C6: variants seen among roughly 807,000 people sequenced by gnomAD.
The protein encoded by C6 is complement component C6.
A neutral mutation model predicts 112.9 loss-of-function variants in C6; 101 were observed. That is an observed-to-expected ratio of 0.89 (90% CI 0.76 to 1.06). C6 has a LOEUF of 1.06. Ranked by LOEUF, C6 falls within the 50% of genes least tolerant of loss-of-function variation. The pLI, the probability that C6 is intolerant of heterozygous loss-of-function variation, is 0.00. For synonymous variants in C6, 431 were observed against 384.1 expected, an observed-to-expected ratio of 1.12 and a Z score of -1.43; for missense variants, 1,202 against 1,104.6, an observed-to-expected ratio of 1.09 and a Z score of -1.25.
At chr5:41,261,286 C>G in exon 1 of C6, 1 of 732,952 alleles carries the variant, frequency 1.4e-6, no homozygotes, top group Non-Finnish European at 1.7e-6. Flanking sequence ...TTATTATGAG[C>G]TCTCAGCAGG....
chr5:41,217,270 C>T (rs1198937646), upstream of C6, among the ~76,000 whole-genome samples: 4 of 152,124 alleles, frequency 2.6e-5, no homozygotes, highest in African/African-American at 7.2e-5. Context: ...AACTCACTTA[C>T]TATTGCCGGA....
At chr5:41,194,889 G>T (rs1363666283) in intron 5 of C6, among the ~76,000 whole-genome samples, 1 of 152,198 alleles carries the variant, frequency 6.6e-6, no homozygotes, top group Admixed American at 6.5e-5. Context: ...AACACTAGAA[G>T]AAAGAGCTAT....
upstream of C6, among the ~76,000 whole-genome samples, chr5:41,217,477 C>A (rs917226127): frequency 5.3e-5 from 8 of 152,096 alleles, no homozygotes; most frequent in Admixed American, 2.6e-4. Context: ...TACAAATGTG[C>A]CCTTAGCTAA....
chr5:41,172,537 A>G lies in C6; in HGVS notation c.1169-190T>C, dbSNP rs143553026. On this transcript the variant is annotated intron_variant, in intron 8 of 17. Transcript: ENST00000337836. The stretch of plus-strand genomic sequence containing the variant: ...GATTCAATCCTGCATGGGCCCAGAG[A>G]TGATCCTGAACAGGAGTCCCGTGAG... 1,035 of 640,236 alleles carry G rather than the reference A, an allele frequency of 1.6e-3. 4 individuals carry two copies. Among genetic ancestry groups the G allele is most frequent in the Middle Eastern group, 0.012 (29 of 2,466 alleles). 39.7% of individuals were successfully genotyped at this position (640,236 alleles called of 1,614,324 possible).
intron 9 of C6, 110 bp from the exon 10 acceptor site, chr5:41,161,969 A>G: frequency 2.0e-6 from 2 of 996,166 alleles, no homozygotes; most frequent in Admixed American, 4.0e-5. Flanking sequence ...ATGGTACAGT[A>G]TGTAGCTCCA....
intron 1 of C6, among the ~76,000 whole-genome samples, chr5:41,225,154 T>A (rs1739408467): frequency 6.6e-6 from 1 of 152,214 alleles, no homozygotes; most frequent in Non-Finnish European, 1.5e-5. Flanking sequence ...CATGTTGGTG[T>A]GCCGCACCCA....
chr5:41,231,302 A>T (rs1739882727), intron 1 of C6, among the ~76,000 whole-genome samples: 1 of 151,822 alleles, frequency 6.6e-6, no homozygotes, highest in Non-Finnish European at 1.5e-5. Flanking sequence ...TTACTTTGAG[A>T]TATTTATGAT....
chr5:41,218,220 T>A (rs919202165), upstream of C6, among the ~76,000 whole-genome samples: 6 of 152,068 alleles, frequency 3.9e-5, no homozygotes, highest in African/African-American at 1.2e-4. Flanking sequence ...AAGAAATCCG[T>A]CTATTCACAG....
intron 8 of C6, chr5:41,172,657 C>T (rs1018131570): frequency 6.7e-6 from 3 of 448,190 alleles, no homozygotes; most frequent in African/African-American, 6.0e-5. Flanking sequence ...GTCCTTGTTG[C>T]CTGCCACTTG....
Position 41,176,373 on chromosome 5 carries a change from C to G in C6, c.1168+102G>C, listed in dbSNP as rs568135746. 2.5e-6 allele frequency: 3 copies of G among 1,188,620 alleles called. No individual in the cohort carries two copies. In the East Asian group the frequency reaches 7.4e-5, roughly 29 times the overall value. 73.6% of individuals were successfully genotyped at this position (1,188,620 alleles called of 1,614,324 possible). ...TATCATTTTGGAAATAAAGCAGGAT[C>G]TAAATAAAGTCAAAGCAGAATAATT... On this transcript the variant is annotated intron_variant, in intron 8 of 17. Coordinates refer to ENST00000337836, the MANE Select transcript of C6 (RefSeq NM_000065.5).
rs1197553245 is a variant in C6 at position 41,188,639 on chromosome 5, T to A, written c.588-2431A>T. ...ATTAATCAAAATAGATAATAGAACC[T>A]AAATTTAAGAGCTGAAACTATAGAA... On this transcript the variant is annotated intron_variant, in intron 5 of 17. Coordinates refer to ENST00000337836, the MANE Select transcript of C6 (RefSeq NM_000065.5). 4.0e-5 allele frequency among the ~76,000 whole-genome samples: 6 copies of A among 151,800 alleles called. No homozygotes were observed. The East Asian group carries it at 9.6e-4, about 24-fold the overall frequency.
chr5:41,232,903 A>G (rs888956497), intron 1 of C6, among the ~76,000 whole-genome samples: 2 of 151,964 alleles, frequency 1.3e-5, no homozygotes, highest in African/African-American at 2.4e-5. Context: ...TTACTGTGAC[A>G]AGGACCATGT....
At chr5:41,259,659 A>C (rs979135172) in intron 1 of C6, among the ~76,000 whole-genome samples, 16 of 152,344 alleles carry the variant, frequency 1.1e-4, no homozygotes, top group Admixed American at 1.0e-3. Context: ...TAAATTACCA[A>C]TTGCTTATAA....
In C6 at chr5:41,142,586, G is replaced by T. The variant is rs1373389853; in HGVS notation, c.*239C>A. Reference sequence around the variant, plus strand: ...ACAATGTGAACAGGAGAATTTACGAGACTGCTGTGGAAGTTGGTACCTAGG... The same window carrying T: ...ACAATGTGAACAGGAGAATTTACGATACTGCTGTGGAAGTTGGTACCTAGG... On this transcript the variant is annotated 3_prime_UTR_variant, in exon 18 of 18. Transcript: ENST00000337836. The T allele has an allele frequency of 7.2e-6, 4 of 552,940 alleles. No individual in the cohort carries two copies. Among genetic ancestry groups the T allele is most frequent in the Non-Finnish European group, 1.3e-5 (4 of 306,308 alleles). 34.3% of individuals were successfully genotyped at this position (552,940 alleles called of 1,614,324 possible).
intron 1 of C6, among the ~76,000 whole-genome samples, chr5:41,222,878 A>G (rs1739266562): frequency 6.6e-6 from 1 of 152,180 alleles, no homozygotes; most frequent in African/African-American, 2.4e-5. Flanking sequence ...ACAACGTTCA[A>G]TAGAAATTCA....
Position 41,200,891 on chromosome 5 carries a change from G to GTTTTGTTTT in C6, c.300+666_300+667insAAAACAAAA, listed in dbSNP as rs1554029750. Reference sequence around the variant, plus strand: ...TGTTTTTGTTGTTGTTGTTGTTGTTGTTTTTTTTTTTTTTTTTTTTTTTTT... The same window carrying GTTTTGTTTT: ...TGTTTTTGTTGTTGTTGTTGTTGTTGTTTTGTTTTTTTTTTTTTTTTTTTTTTTTTTTTT... On this transcript the variant is annotated intron_variant, in intron 3 of 17. Coordinates refer to ENST00000337836, the MANE Select transcript of C6 (RefSeq NM_000065.5). Among the ~76,000 whole-genome samples, 472 of 70,626 alleles carry GTTTTGTTTT rather than the reference G, an allele frequency of 6.7e-3. 9 individuals carry two copies. Among genetic ancestry groups the GTTTTGTTTT allele is most frequent in the Non-Finnish European group, 8.9e-3 (363 of 40,848 alleles). The allele number at this position is 70,626 out of a possible 152,430, so 46.3% of individuals were successfully genotyped here.
chr5:41,261,003 A>G (rs436077), intron 1 of C6, among the ~76,000 whole-genome samples: 11,213 of 152,240 alleles, frequency 0.074, 451 homozygotes, highest in East Asian at 0.13. Context: ...TCACAAAGAC[A>G]TTGTCACACA....
intron 7 of C6, among the ~76,000 whole-genome samples, chr5:41,177,582 A>G (rs1748959390): frequency 6.6e-6 from 1 of 152,186 alleles, no homozygotes; most frequent in African/African-American, 2.4e-5. Context: ...TGTTTTAGCA[A>G]AATAACTGTA....
chr5:41,196,244 A>T (rs373330428), intron 4 of C6, among the ~76,000 whole-genome samples: 2 of 152,096 alleles, frequency 1.3e-5, no homozygotes, highest in African/African-American at 4.8e-5. Flanking sequence ...AATTAACAAG[A>T]GGTTCAGAAT....
Sources: gnomAD v4.1 joint callset for allele counts (sites outside exome capture counted in the v4.1 genomes callset) on GRCh38, gnomAD v4.1.1 for gene constraint, MANE v1.5 for transcripts, NCBI Gene and HGNC (gene_info 2026-07-23, HGNC 2026-07-21) for gene names.